The following TAF15 variants were observed in gnomAD, a reference collection of about 807,000 sequenced individuals.
The protein encoded by TAF15 is TATA-box binding protein associated factor 15, also known as TATA-binding protein-associated factor 2N.
A neutral mutation model predicts 102.5 loss-of-function variants in TAF15; 37 were observed. The observed-to-expected ratio is 0.36, with a 90% CI of 0.28 to 0.47. TAF15 has a LOEUF of 0.47. TAF15 is among the 20% of genes least tolerant of loss of function. The probability of loss-of-function intolerance (pLI) is 0.99; values close to 1 mark genes in which losing one functional copy is unlikely to be tolerated. For synonymous variants in TAF15, 273 were observed against 259.2 expected (o/e 1.05, Z -0.51); for missense variants, 652 against 760.7 (o/e 0.86, Z 1.68).
At chr17:35,845,313 GGT>G (rs1186608469) in intron 15 of TAF15, among the ~76,000 whole-genome samples, 2 of 152,086 alleles carry the variant, frequency 1.3e-5, no homozygotes, top group African/African-American at 4.8e-5. Flanking sequence ...AGAGTGCAGT[GGT>G]ATGATCATAG....
At position 35,820,026 on chromosome 17, in the gene TAF15, A is replaced by G. The variant is rs1473830418; in HGVS notation, c.50A>G (p.Tyr17Cys). Residue 17 changes from tyrosine to cysteine, a missense_variant and splice_region_variant, in exon 3 of 16, where the codon TAT (tyrosine) becomes TGT (cysteine). Transcript: ENST00000605844. ...AGTATTAAATTTTTCTTTTGCAGTT[A>G]TTCTACCTATGGAAATCCAGGCAGC... ...YGQSGGEQQS[Y>C]STYGNPGSQG... 1 of 1,613,870 alleles carries G rather than the reference A, an allele frequency of 6.2e-7. No homozygotes were observed. Among genetic ancestry groups the G allele is most frequent in the Non-Finnish European group, 8.5e-7 (1 of 1,179,820 alleles).
intron 7 of TAF15, among the ~76,000 whole-genome samples, chr17:35,829,325 AT>A (rs892564524): frequency 1.5e-3 from 216 of 146,016 alleles, no homozygotes; most frequent in African/African-American, 3.1e-3. Flanking sequence ...TATTTTTATT[AT>A]TTTTTTTTTT....
At chr17:35,834,801 A>G (rs1312378824) in intron 9 of TAF15, among the ~76,000 whole-genome samples, 1 of 131,372 alleles carries the variant, frequency 7.6e-6, no homozygotes, top group East Asian at 2.3e-4. Context: ...GCTGGAGTGC[A>G]GTGGCACAGT....
chr17:35,822,866 C>T (rs369447828), intron 6 of TAF15, 33 bp downstream of exon 6: 17 of 1,609,156 alleles, frequency 1.1e-5, no homozygotes, highest in Non-Finnish European at 1.4e-5. Flanking sequence ...ATTATTTTTC[C>T]CCCTCTCAGA....
At chr17:35,821,791 G>T (rs1200482186) in intron 5 of TAF15, among the ~76,000 whole-genome samples, 1 of 152,026 alleles carries the variant, frequency 6.6e-6, no homozygotes, top group African/African-American at 2.4e-5. Flanking sequence ...AAAAAAAATT[G>T]TGTTACAAAG....
rs756060721 is a variant in TAF15, at chr17:35,824,139, A to AG, written c.548dup (p.Gly184ArgfsTer2). The AG allele has an allele frequency of 6.2e-7, 1 of 1,612,100 alleles. No homozygotes were observed. The highest frequency in any genetic ancestry group is 1.1e-5 in the South Asian group (1 of 91,032). On this transcript the variant is annotated frameshift_variant, in exon 7 of 16. Transcript: ENST00000605844. LOFTEE classifies it high-confidence loss of function. ...ATAGAGGATATGGCGGGTCACAGGG[A>AG]GGAGGTAGAGGGCGTGGGGGATATG... is the stretch of plus-strand genomic sequence containing the variant.
intron 8 of TAF15, among the ~76,000 whole-genome samples, 157 bp downstream of exon 8, chr17:35,834,098 C>T (rs1443699101): frequency 1.3e-5 from 2 of 151,416 alleles, no homozygotes; most frequent in African/African-American, 2.4e-5. Context: ...TATATATACA[C>T]ATATATATAT....
intron 5 of TAF15, 51 bp from the exon 6 acceptor site, chr17:35,822,589 A>G (rs1199775074): frequency 6.4e-7 from 1 of 1,569,970 alleles, no homozygotes; most frequent in East Asian, 2.3e-5. Flanking sequence ...AACTTGCTAC[A>G]GCAAATGTAA....
chr17:35,833,873 G>A, intron 7 of TAF15, 34 bp from the exon 8 acceptor site: 2 of 1,612,462 alleles, frequency 1.2e-6, no homozygotes, highest in Non-Finnish European at 1.7e-6. Context: ...AGAGACTTAA[G>A]GAAGAAATCA....
intron 7 of TAF15, among the ~76,000 whole-genome samples, chr17:35,832,613 G>A (rs1293623218): frequency 6.6e-6 from 1 of 152,006 alleles, no homozygotes; most frequent in East Asian, 1.9e-4. Context: ...AGAGACTTCA[G>A]TATTTTAGAT....
At chr17:35,811,849 A>G (rs2143729764) in intron 1 of TAF15, among the ~76,000 whole-genome samples, 1 of 152,382 alleles carries the variant, frequency 6.6e-6, no homozygotes, top group African/African-American at 2.4e-5. Flanking sequence ...TCATTCTGGC[A>G]GTGTGGCAGA....
chr17:35,814,555 T>G (rs1322383600), intron 1 of TAF15, among the ~76,000 whole-genome samples: 1 of 151,886 alleles, frequency 6.6e-6, no homozygotes, highest in Non-Finnish European at 1.5e-5. Context: ...GGCCTATACT[T>G]TTGTGTGCCT....
chr17:35,823,945 C>T (rs2087294940), intron 6 of TAF15, 133 bp from the exon 7 acceptor site: 5 of 1,086,470 alleles, frequency 4.6e-6, no homozygotes, highest in Non-Finnish European at 7.0e-6. Flanking sequence ...TTTATGATGA[C>T]TTGCATTTGA....
chr17:35,814,011 TTTTTG>T (rs1359185312), intron 1 of TAF15, among the ~76,000 whole-genome samples: 2 of 151,620 alleles, frequency 1.3e-5, no homozygotes, highest in African/African-American at 4.9e-5. Context: ...GTTGTTGTTG[TTTTTG>T]TTTTTTTTAA....
chr17:35,834,732 C>CT, intron 9 of TAF15, 134 bp downstream of exon 9: 21 of 345,622 alleles, frequency 6.1e-5, no homozygotes, highest in South Asian at 2.6e-4. Flanking sequence ...AACTGGGGAG[C>CT]TTTATTTCTT....
At position 35,836,246 on chromosome 17, in the gene TAF15, G is replaced by C; in HGVS notation, c.783+5G>C. 1 of 1,554,654 alleles carries C rather than the reference G, an allele frequency of 6.4e-7. No homozygotes were observed. The highest frequency in any genetic ancestry group is 1.7e-4 in the Middle Eastern group (1 of 5,812). ...AAACAAATAGGAATTATCAAGGTGA[G>C]TAAAAATATTATATGTTGAAAATCT... is the stretch of plus-strand genomic sequence containing the variant. On this transcript the variant is annotated splice_donor_5th_base_variant and intron_variant, in intron 10 of 15. Coordinates refer to ENST00000605844, the MANE Select transcript of TAF15 (RefSeq NM_139215.3).
At chr17:35,839,695 T>C (rs931311515) in intron 11 of TAF15, among the ~76,000 whole-genome samples, 2 of 151,904 alleles carry the variant, frequency 1.3e-5, no homozygotes, top group Non-Finnish European at 2.9e-5. Flanking sequence ...ATGCTTTTTT[T>C]AACAGAAAGT....
Position 35,844,882 on chromosome 17 carries a change from G to GC in TAF15, c.1583_1584insC (p.Tyr531LeufsTer56). On this transcript the variant is annotated frameshift_variant, in exon 15 of 16. Transcript: ENST00000605844. LOFTEE classifies it high-confidence loss of function. ...GGAGGCTATGGAGGAGACAGAAGCC[G>GC]GGGGGGCTATGGAGGAGACCGTGGT... 6.2e-7 allele frequency: 1 copy of GC among 1,613,252 alleles called. No individual in the cohort carries two copies. Among genetic ancestry groups the GC allele is most frequent in the Non-Finnish European group, 8.5e-7 (1 of 1,179,686 alleles).
chr17:35,844,687 ATGGTG>A lies in TAF15; in HGVS notation c.1389_1393del (p.Tyr463Ter), dbSNP rs1568283502. ...TATGGTGGGGACAGAGGCGGCGGCT[ATGGTG>A]GGGACAGAGGAGGCGGCTATGGAGG... On this transcript the variant is annotated stop_gained and frameshift_variant, in exon 15 of 16. Coordinates refer to ENST00000605844, the MANE Select transcript of TAF15 (RefSeq NM_139215.3). LOFTEE classifies it high-confidence loss of function. The A allele has an allele frequency of 6.3e-7, 1 of 1,598,722 alleles. No individual in the cohort carries two copies. Among genetic ancestry groups the A allele is most frequent in the Non-Finnish European group, 8.5e-7 (1 of 1,173,660 alleles).
Sources: gnomAD v4.1 joint callset for allele counts (sites outside exome capture counted in the v4.1 genomes callset) on GRCh38, gnomAD v4.1.1 for gene constraint, MANE v1.5 for transcripts, NCBI Gene and HGNC (gene_info 2026-07-23, HGNC 2026-07-21) for gene names.